PIP5K1C: variants seen among roughly 807,000 people sequenced by gnomAD.
PIP5K1C encodes the protein phosphatidylinositol 4-phosphate 5-kinase type-1 gamma.
PIP5K1C carries 45 observed loss-of-function variants against 80.1 expected under a neutral mutation model. The ratio of observed to expected loss-of-function variants is 0.56; its 90% CI spans 0.44 to 0.72. The LOEUF (loss-of-function observed/expected upper bound fraction) is 0.72. Ranked by LOEUF, PIP5K1C falls within the 30% of genes least tolerant of loss-of-function variation. PIP5K1C has a pLI of 0.00. For synonymous variants in PIP5K1C, 498 were observed against 420.1 expected, an observed-to-expected ratio of 1.19 and a Z score of -2.27; for missense variants, 753 against 954.6, an observed-to-expected ratio of 0.79 and a Z score of 2.78.
chr19:3,646,193 C>T (rs1179022689), intron 10 of PIP5K1C, 135 bp from the exon 11 acceptor site: 1 of 664,970 alleles, frequency 1.5e-6, no homozygotes, highest in Non-Finnish European at 2.8e-6. Context: ...TCCATGGCGC[C>T]ATGGCTTCCT....
At position 3,637,093 on chromosome 19, in the gene PIP5K1C, G is replaced by C. The variant is rs1240291025; in HGVS notation, c.1920+1791C>G. On this transcript the variant is annotated intron_variant, in intron 16 of 17. Transcript: ENST00000335312. The surrounding 1 kb of genome is among the most constrained non-coding windows in gnomAD (Gnocchi z 7.0). Reference sequence around the variant, plus strand: ...TCCATGGCCCTGCGGTTCAGAGCCCGGCCCTGCAGCCACTCTGCTGACCTG... The same window carrying C: ...TCCATGGCCCTGCGGTTCAGAGCCCCGCCCTGCAGCCACTCTGCTGACCTG... 2 of 1,281,176 alleles carry C rather than the reference G, an allele frequency of 1.6e-6. No individual in the cohort carries two copies. Among genetic ancestry groups the C allele is most frequent in the Non-Finnish European group, 2.0e-6 (2 of 1,009,412 alleles). 79.4% of individuals were successfully genotyped at this position (1,281,176 alleles called of 1,614,324 possible).
At chr19:3,663,202 T>C (rs1482807770) in intron 3 of PIP5K1C, among the ~76,000 whole-genome samples, 1 of 148,510 alleles carries the variant, frequency 6.7e-6, no homozygotes, top group Non-Finnish European at 1.5e-5. Context: ...TCGTTTGCAT[T>C]ATTCTCACTG....
At chr19:3,643,702 T>G (rs554179105) in intron 12 of PIP5K1C, among the ~76,000 whole-genome samples, 100 of 101,188 alleles carry the variant, frequency 9.9e-4, no homozygotes, top group African/African-American at 3.5e-3. Flanking sequence ...CCCTCCGCGC[T>G]GCTTGGCCAC....
chr19:3,655,360 G>A (rs893438734), intron 6 of PIP5K1C, among the ~76,000 whole-genome samples: 3 of 152,190 alleles, frequency 2.0e-5, no homozygotes, highest in Non-Finnish European at 2.9e-5. Context: ...GGAGGCTGCA[G>A]TGAGCCAAGA....
At chr19:3,675,730 T>TC (rs1014788052) in intron 1 of PIP5K1C, among the ~76,000 whole-genome samples, 1 of 151,888 alleles carries the variant, frequency 6.6e-6, no homozygotes, top group African/African-American at 2.4e-5. Flanking sequence ...AACCAGGATC[T>TC]CCCCCCTCAG....
chr19:3,643,561 T>C (rs1357294709), intron 12 of PIP5K1C, among the ~76,000 whole-genome samples, 180 bp from the exon 13 acceptor site: 1 of 152,022 alleles, frequency 6.6e-6, no homozygotes, highest in Non-Finnish European at 1.5e-5. Context: ...CAAAGGCTTC[T>C]GACCGCTCTC....
rs8103649 is a variant in PIP5K1C at position 3,631,494 on chromosome 19, A to G, written c.*1673T>C. The G allele has an allele frequency of 0.053, 8,141 of 152,388 alleles. 575 individuals are homozygous for G. Among genetic ancestry groups the G allele is most frequent in the African/African-American group, 0.16 (6,812 of 41,534 alleles). The allele number at this position is 152,388 out of a possible 1,614,324, so 9.4% of individuals were successfully genotyped here. On this transcript the variant is annotated 3_prime_UTR_variant, in exon 18 of 18. Transcript: ENST00000335312. ...TGAACTGAGGCCAAGGTCGCTTCCC[A>G]GGGCTGGACAGACCCTCTGAGCACG...
At chr19:3,642,577 T>TAG (rs2034008534) in intron 14 of PIP5K1C, among the ~76,000 whole-genome samples, 1 of 152,022 alleles carries the variant, frequency 6.6e-6, no homozygotes, top group Admixed American at 6.6e-5. Context: ...ACAGTCCCAG[T>TAG]GGTTGCTCCT....
chr19:3,678,028 G>A (rs1203979759), intron 1 of PIP5K1C, among the ~76,000 whole-genome samples: 1 of 137,030 alleles, frequency 7.3e-6, no homozygotes, highest in Admixed American at 7.0e-5. Context: ...GAGAGACGGA[G>A]GGATGGAGAA....
At chr19:3,676,854 C>A (rs1233287343) in intron 1 of PIP5K1C, among the ~76,000 whole-genome samples, 1 of 152,188 alleles carries the variant, frequency 6.6e-6, no homozygotes, top group East Asian at 1.9e-4. Flanking sequence ...GGCTCTAGCA[C>A]TTTGGGAGGC....
At chr19:3,682,244 C>T (rs898244350) in intron 1 of PIP5K1C, among the ~76,000 whole-genome samples, 4 of 151,778 alleles carry the variant, frequency 2.6e-5, no homozygotes, top group African/African-American at 4.8e-5. Flanking sequence ...CATGGGGGTG[C>T]GCGCCTGTAA....
At chr19:3,657,592 TG>T (rs1187971581) in intron 5 of PIP5K1C, among the ~76,000 whole-genome samples, 4 of 151,292 alleles carry the variant, frequency 2.6e-5, no homozygotes, top group African/African-American at 9.7e-5. Flanking sequence ...GATAAACAGG[TG>T]GGGGGTGTCC....
intron 1 of PIP5K1C, among the ~76,000 whole-genome samples, chr19:3,698,921 C>T (rs2036206734): frequency 6.8e-6 from 1 of 146,972 alleles, no homozygotes; most frequent in African/African-American, 2.5e-5. Flanking sequence ...GACCTTCCAG[C>T]CCTCCCCGGC....
chr19:3,661,372 C>T (rs1450473631), intron 4 of PIP5K1C, among the ~76,000 whole-genome samples: 3 of 152,244 alleles, frequency 2.0e-5, no homozygotes, highest in Admixed American at 6.5e-5. Context: ...GGTGTGCTCA[C>T]GTGACTGCAC....
chr19:3,678,037 A>AG (rs576453052), intron 1 of PIP5K1C, among the ~76,000 whole-genome samples: 41 of 69,266 alleles, frequency 5.9e-4, no homozygotes, highest in African/African-American at 2.4e-3. Flanking sequence ...AGGGATGGAG[A>AG]ATGGAGGGAT....
chr19:3,686,716 C>T (rs999437080), intron 1 of PIP5K1C, among the ~76,000 whole-genome samples: 1 of 150,224 alleles, frequency 6.7e-6, no homozygotes, highest in Non-Finnish European at 1.5e-5. Context: ...GAAACTCCGT[C>T]TCAAAATAAA....
At chr19:3,658,063 G>A (rs1022221481) in intron 5 of PIP5K1C, among the ~76,000 whole-genome samples, 1 of 152,230 alleles carries the variant, frequency 6.6e-6, no homozygotes, top group Non-Finnish European at 1.5e-5. Flanking sequence ...ACCAGAGGAC[G>A]CCGGAAACAT....
At chr19:3,672,190 C>T (rs1197144114) in intron 1 of PIP5K1C, among the ~76,000 whole-genome samples, 1 of 152,262 alleles carries the variant, frequency 6.6e-6, no homozygotes, top group African/African-American at 2.4e-5. Context: ...TAAAGTGCGG[C>T]TGAAGCCAGC....
At chr19:3,656,667 T>C in intron 5 of PIP5K1C, 110 bp from the exon 6 acceptor site, 1 of 1,247,936 alleles carries the variant, frequency 8.0e-7, no homozygotes, top group Non-Finnish European at 1.2e-6. Flanking sequence ...TCGCTGCATT[T>C]TACAGATGCG....
Sources: allele counts gnomAD v4.1 joint callset (sites outside exome capture counted in the v4.1 genomes callset), GRCh38; gene constraint gnomAD v4.1.1; non-coding constraint Gnocchi (gnomAD v3.1); transcripts MANE v1.5; gene names NCBI Gene and HGNC (gene_info 2026-07-23, HGNC 2026-07-21).